RBFOX1: variants seen among roughly 807,000 people sequenced by gnomAD.
RBFOX1 encodes the protein RNA binding protein fox-1 homolog 1.
Under a neutral mutation model 57.7 loss-of-function variants are expected in RBFOX1, and 8 were observed. The observed-to-expected ratio is 0.14, with a 90% CI of 0.08 to 0.25. The LOEUF (loss-of-function observed/expected upper bound fraction) is 0.25. Ranked by LOEUF, RBFOX1 falls within the 10% of genes least tolerant of loss-of-function variation. The pLI, the probability that RBFOX1 is intolerant of heterozygous loss-of-function variation, is 1.00. For missense variants in RBFOX1, 611 were observed against 548.5 expected (o/e 1.11, Z -1.14); for synonymous variants, 326 against 222.4 (o/e 1.47, Z -4.15).
intron 5 of RBFOX1, among the ~76,000 whole-genome samples, chr16:7,533,021 G>T (rs1308819058): frequency 6.6e-6 from 1 of 152,180 alleles, no homozygotes; most frequent in African/African-American, 2.4e-5. Flanking sequence ...ATTAAAAAAT[G>T]GAAAAATCTA....
chr16:5,816,747 G>A (rs2055655121), intron 3 of RBFOX1, among the ~76,000 whole-genome samples: 1 of 152,136 alleles, frequency 6.6e-6, no homozygotes, highest in South Asian at 2.1e-4. Flanking sequence ...TCGTCCCACT[G>A]TACTCTAGCC....
At chr16:6,846,707 G>A (rs1008876931) in intron 3 of RBFOX1, among the ~76,000 whole-genome samples, 1 of 152,134 alleles carries the variant, frequency 6.6e-6, no homozygotes, top group Admixed American at 6.6e-5. Flanking sequence ...CCAGTATCCG[G>A]GAGAATAAGG....
intron 4 of RBFOX1, among the ~76,000 whole-genome samples, chr16:5,904,464 A>G (rs1440306505): frequency 3.3e-5 from 5 of 151,762 alleles, no homozygotes; most frequent in South Asian, 4.2e-4. Flanking sequence ...CCTCCTCGCT[A>G]AAAGCCTCTG....
At chr16:7,540,929 C>T (rs145276451) in intron 5 of RBFOX1, among the ~76,000 whole-genome samples, 7 of 152,292 alleles carry the variant, frequency 4.6e-5, no homozygotes, top group African/African-American at 1.7e-4. Context: ...AAACCTGTGT[C>T]TTCTAGGGAC....
Position 6,212,725 on chromosome 16 carries a change from AAAC to A in RBFOX1, c.-126-104267_-126-104265del, listed in dbSNP as rs1347073852. Among the ~76,000 whole-genome samples the A allele has an allele frequency of 2.9e-3, 22 of 7,496 alleles. No homozygotes were observed. In the Non-Finnish European group the frequency reaches 0.11, roughly 36 times the overall value. 4.9% of individuals were successfully genotyped at this position (7,496 alleles called of 152,430 possible). A position where few individuals can be genotyped will look rare whatever the true frequency, so the allele number is the denominator to read the frequency against. ...CTGTCAAAAAAACAAACAAACAAAC[AAAC>A]AAAAAAAAAACCCACTAATATGATA... On this transcript the variant is annotated intron_variant, in intron 1 of 15. Coordinates refer to ENST00000550418, the MANE Select transcript of RBFOX1 (RefSeq NM_018723.4).
chr16:6,216,669 AT>A (rs1052594763), intron 1 of RBFOX1, among the ~76,000 whole-genome samples: 6 of 151,678 alleles, frequency 4.0e-5, no homozygotes, highest in Non-Finnish European at 1.5e-5. Context: ...TTTATTTTTT[AT>A]TTTTTCGCTT....
intron 3 of RBFOX1, among the ~76,000 whole-genome samples, chr16:6,960,862 A>T (rs2082820720): frequency 6.6e-6 from 1 of 151,558 alleles, no homozygotes. Flanking sequence ...GTCCGGGTGC[A>T]GTGGCTCACA....
At chr16:5,568,128 T>C (rs1027294454) in intron 2 of RBFOX1, among the ~76,000 whole-genome samples, 4 of 152,216 alleles carry the variant, frequency 2.6e-5, no homozygotes, top group African/African-American at 9.6e-5. Context: ...AACAATGAGA[T>C]CTGAAGTACT....
chr16:6,901,271 C>A (rs760229320), intron 3 of RBFOX1, among the ~76,000 whole-genome samples: 21 of 152,188 alleles, frequency 1.4e-4, no homozygotes, highest in Non-Finnish European at 2.2e-4. Context: ...TTGTTCATCT[C>A]TTCTGTCTAA....
chr16:6,857,783 C>G (rs192022741), intron 3 of RBFOX1, among the ~76,000 whole-genome samples: 2 of 152,276 alleles, frequency 1.3e-5, no homozygotes, highest in Admixed American at 6.5e-5. Context: ...TCAGCACTTT[C>G]TTGCCCCAGC....
At chr16:5,316,981 T>A (rs1020889128) in intron 1 of RBFOX1, among the ~76,000 whole-genome samples, 3 of 152,172 alleles carry the variant, frequency 2.0e-5, no homozygotes, top group African/African-American at 7.2e-5. Context: ...GGAGCTGGGA[T>A]GCCCATATTT....
At chr16:5,805,029 G>A (rs750021980) in intron 3 of RBFOX1, among the ~76,000 whole-genome samples, 11 of 152,094 alleles carry the variant, frequency 7.2e-5, no homozygotes, top group Non-Finnish European at 4.4e-5. Context: ...AGGCTCTGGG[G>A]TGGAAAAATA....
Position 7,335,407 on chromosome 16 carries a change from T to G in RBFOX1, c.28-182740T>G, listed in dbSNP as rs143806336. On this transcript the variant is annotated intron_variant, in intron 4 of 15. Transcript: ENST00000550418. ...AGTAATTTCTCTGTGACTGGAGATG[T>G]TGAAACAGAGTTCATAGTGTCCACT... 1.9e-3 allele frequency among the ~76,000 whole-genome samples: 288 copies of G among 152,314 alleles called. 1 individual carries two copies. Among genetic ancestry groups the G allele is most frequent in the African/African-American group, 6.3e-3 (263 of 41,584 alleles).
intron 1 of RBFOX1, among the ~76,000 whole-genome samples, chr16:5,328,207 C>G (rs2064640315): frequency 6.6e-6 from 1 of 152,106 alleles, no homozygotes; most frequent in Admixed American, 6.5e-5. Context: ...GGAGATGGAA[C>G]TTGTAAAGAA....
intron 1 of RBFOX1, among the ~76,000 whole-genome samples, chr16:6,220,676 G>A (rs1423694959): frequency 2.0e-5 from 3 of 151,636 alleles, no homozygotes; most frequent in Non-Finnish European, 2.9e-5. Context: ...TGTGTTTACT[G>A]TAGATGTATT....
At chr16:7,141,113 T>G (rs1200391680) in intron 4 of RBFOX1, among the ~76,000 whole-genome samples, 2 of 152,146 alleles carry the variant, frequency 1.3e-5, no homozygotes, top group Admixed American at 1.3e-4. Context: ...AGTCATCTTG[T>G]GCAAAGTGGC....
At chr16:6,184,681 T>C (rs1249632675) in intron 1 of RBFOX1, among the ~76,000 whole-genome samples, 1 of 151,816 alleles carries the variant, frequency 6.6e-6, no homozygotes, top group Non-Finnish European at 1.5e-5. Context: ...TGCCTCACCG[T>C]CTCGAGTAGC....
At chr16:6,075,754 T>C (rs1013200321) in intron 1 of RBFOX1, among the ~76,000 whole-genome samples, 1 of 152,232 alleles carries the variant, frequency 6.6e-6, no homozygotes, top group Non-Finnish European at 1.5e-5. Context: ...AGAAGGAACT[T>C]GGGGAACTTC....
At chr16:7,366,257 C>T (rs1007032264) in intron 4 of RBFOX1, among the ~76,000 whole-genome samples, 4 of 152,314 alleles carry the variant, frequency 2.6e-5, no homozygotes, top group African/African-American at 4.8e-5. Flanking sequence ...TTTGTAAATC[C>T]GATGTTGTTT....
Sources: allele counts gnomAD v4.1 joint callset (sites outside exome capture counted in the v4.1 genomes callset), GRCh38; gene constraint gnomAD v4.1.1; transcripts MANE v1.5; gene names NCBI Gene and HGNC (gene_info 2026-07-23, HGNC 2026-07-21).